SAMD12: variants seen among roughly 807,000 people sequenced by gnomAD.
The protein encoded by SAMD12 is sterile alpha motif domain containing 12, also known as sterile alpha motif domain-containing protein 12.
Under a neutral mutation model 15.0 loss-of-function variants are expected in SAMD12, and 9 were observed. The observed-to-expected ratio is 0.60, with a 90% CI of 0.36 to 1.05. SAMD12 has a LOEUF of 1.05. SAMD12 is among the 50% of genes least tolerant of loss of function. SAMD12 has a pLI of 0.01. For synonymous variants in SAMD12, 86 were observed against 90.1 expected, an observed-to-expected ratio of 0.96 and a Z score of 0.25; for missense variants, 230 against 234.2, an observed-to-expected ratio of 0.98 and a Z score of 0.12.
At chr8:118,181,446 T>A in the SAMD12 span, among the ~76,000 whole-genome samples, 3,266 of 152,282 alleles carry the variant, frequency 0.021, 50 homozygotes, top group South Asian at 0.075. Flanking sequence ...GGGATCCACT[T>A]TCCCCACAAC....
At chr8:118,542,931 T>C (rs1478629066) in intron 2 of SAMD12, among the ~76,000 whole-genome samples, 1 of 149,890 alleles carries the variant, frequency 6.7e-6, no homozygotes, top group Non-Finnish European at 1.5e-5. Context: ...TGCACTACAG[T>C]AGTACAAAGG....
the SAMD12 span, among the ~76,000 whole-genome samples, chr8:118,171,671 G>A: frequency 6.6e-6 from 1 of 151,590 alleles, no homozygotes; most frequent in African/African-American, 2.4e-5. Flanking sequence ...TGGTTGCCAG[G>A]GACTGGGAGG....
chr8:118,393,982 T>A (rs1288799958), intron 3 of SAMD12, among the ~76,000 whole-genome samples: 1 of 150,404 alleles, frequency 6.6e-6, no homozygotes, highest in East Asian at 1.9e-4. Flanking sequence ...GCTTCATCAA[T>A]AAAAGAGTAA....
At chr8:118,566,922 G>A (rs1306722194) in intron 2 of SAMD12, among the ~76,000 whole-genome samples, 2 of 152,120 alleles carry the variant, frequency 1.3e-5, no homozygotes, top group Non-Finnish European at 2.9e-5. Flanking sequence ...ACTTGGTGGT[G>A]GATTCAATGT....
intron 2 of SAMD12, among the ~76,000 whole-genome samples, chr8:118,579,711 G>A (rs770512811): frequency 2.0e-5 from 3 of 152,096 alleles, no homozygotes; most frequent in Non-Finnish European, 4.4e-5. Context: ...TACAACATTT[G>A]CTTTCCAAGG....
At chr8:118,508,731 G>A (rs543537763) in intron 2 of SAMD12, among the ~76,000 whole-genome samples, 1 of 152,186 alleles carries the variant, frequency 6.6e-6, no homozygotes, top group Non-Finnish European at 1.5e-5. Context: ...AACATGCACT[G>A]TCTTTTATTT....
intron 4 of SAMD12, among the ~76,000 whole-genome samples, chr8:118,308,846 C>T (rs1028503409): frequency 6.6e-6 from 1 of 151,980 alleles, no homozygotes; most frequent in Admixed American, 6.6e-5. Context: ...TCACACCATC[C>T]TATAAATGTT....
In SAMD12 at chr8:118,444,663, T is replaced by C. The variant is rs1427521976; in HGVS notation, c.193-4702A>G. On this transcript the variant is annotated intron_variant, in intron 2 of 3. Transcript: ENST00000314727. ...CTCTGAAGCATTCAGTTTTAAGTTC[T>C]CCAAGGTAAACTTGAAGCTTTTCTG... is the stretch of plus-strand genomic sequence containing the variant. Among the ~76,000 whole-genome samples the C allele has an allele frequency of 2.0e-5, 3 of 152,146 alleles. No individual in the cohort carries two copies. The East Asian group carries it at 5.8e-4, about 29-fold the overall frequency.
At chr8:118,346,447 A>T (rs1045616795) in intron 4 of SAMD12, among the ~76,000 whole-genome samples, 2 of 152,308 alleles carry the variant, frequency 1.3e-5, no homozygotes, top group Middle Eastern at 3.4e-3. Flanking sequence ...ATTCCACATG[A>T]GCCTTCGGAA....
chr8:118,132,449 T>C, the SAMD12 span, among the ~76,000 whole-genome samples: 2 of 152,170 alleles, frequency 1.3e-5, no homozygotes, highest in Non-Finnish European at 2.9e-5. Flanking sequence ...ACTAGTCCCA[T>C]GCTGAACTGC....
chr8:118,404,165 G>A (rs986136339), intron 3 of SAMD12, among the ~76,000 whole-genome samples: 1 of 152,108 alleles, frequency 6.6e-6, no homozygotes, highest in African/African-American at 2.4e-5. Flanking sequence ...AAAACTTTTT[G>A]TAGAGATGCA....
Position 118,379,706 on chromosome 8 carries a change from G to C in SAMD12, c.323-6C>G. ...AAGTCTCAGCAGGGCTCGCCCTGCA[G>C]GGTTTTAAGAAATAAAAGGAAAAGC... On this transcript the variant is annotated splice_polypyrimidine_tract_variant and splice_region_variant and intron_variant, in intron 3 of 3. Coordinates refer to ENST00000314727, the MANE Select transcript of SAMD12 (RefSeq NM_207506.3). 1 of 1,610,826 alleles carries C rather than the reference G, an allele frequency of 6.2e-7. No individual in the cohort carries two copies.
intron 4 of SAMD12, among the ~76,000 whole-genome samples, chr8:118,279,466 C>G (rs1813556231): frequency 6.6e-6 from 1 of 152,206 alleles, no homozygotes; most frequent in Non-Finnish European, 1.5e-5. Context: ...ATATCACCAT[C>G]TTCTCATTAA....
chr8:118,182,315 C>G, the SAMD12 span, among the ~76,000 whole-genome samples: 1 of 152,238 alleles, frequency 6.6e-6, no homozygotes, highest in Admixed American at 6.5e-5. Context: ...AGTTCTTAAA[C>G]ATTCACATGA....
chr8:118,549,142 A>T (rs1241840233), intron 2 of SAMD12, among the ~76,000 whole-genome samples: 1 of 152,254 alleles, frequency 6.6e-6, no homozygotes, highest in Non-Finnish European at 1.5e-5. Context: ...CTGCAGACTG[A>T]AATGTCCCTG....
intron 2 of SAMD12, among the ~76,000 whole-genome samples, chr8:118,532,171 C>A (rs144861603): frequency 6.6e-6 from 1 of 152,128 alleles, no homozygotes; most frequent in East Asian, 1.9e-4. Context: ...TGTCAAAGGC[C>A]TTTTCTGCAT....
chr8:118,520,574 A>G (rs987298540), intron 2 of SAMD12, among the ~76,000 whole-genome samples: 1 of 152,224 alleles, frequency 6.6e-6, no homozygotes. Flanking sequence ...TTCTGAAAAC[A>G]TAACACAATT....
At chr8:118,236,871 C>T (rs1812446633) in intron 4 of SAMD12, among the ~76,000 whole-genome samples, 1 of 152,186 alleles carries the variant, frequency 6.6e-6, no homozygotes, top group African/African-American at 2.4e-5. Flanking sequence ...AGTCATGCTG[C>T]AAAAAGTTGG....
chr8:118,558,451 T>C (rs1826607395), intron 2 of SAMD12, among the ~76,000 whole-genome samples: 1 of 152,230 alleles, frequency 6.6e-6, no homozygotes, highest in Non-Finnish European at 1.5e-5. Context: ...AGATATAACA[T>C]CTTGATAATA....
Sources: allele counts gnomAD v4.1 joint callset (sites outside exome capture counted in the v4.1 genomes callset), GRCh38; gene constraint gnomAD v4.1.1; transcripts MANE v1.5; gene names NCBI Gene and HGNC (gene_info 2026-07-23, HGNC 2026-07-21).